The following SLC35H1 variants were observed in gnomAD, a reference collection of about 807,000 sequenced individuals.
SLC35H1 encodes the protein ovarian cancer-overexpressed gene 1 protein.
chr20:46,361,322 C>T, the SLC35H1 span, among the ~76,000 whole-genome samples: 7 of 152,152 alleles, frequency 4.6e-5, no homozygotes, highest in African/African-American at 9.7e-5. Flanking sequence ...CAATAAATAC[C>T]GTCAGCTCTA....
At chr20:46,347,368 A>T in the SLC35H1 span, 6 of 152,246 alleles carry the variant, frequency 3.9e-5, no homozygotes, top group African/African-American at 1.2e-4. Flanking sequence ...AAAGGCCTAG[A>T]TGGTGCCCAG....
the SLC35H1 span, chr20:46,358,288 G>C: frequency 8.8e-7 from 1 of 1,137,990 alleles, no homozygotes; most frequent in Non-Finnish European, 1.3e-6. Context: ...AGTTAGACTG[G>C]TTGAAGCTTG....
chr20:46,347,471 T>C, the SLC35H1 span: 2 of 152,286 alleles, frequency 1.3e-5, no homozygotes, highest in East Asian at 1.9e-4. Context: ...CAAAAATGAA[T>C]GTCTCTGTCC....
At chr20:46,357,490 G>T in the SLC35H1 span, 1 of 1,111,466 alleles carries the variant, frequency 9.0e-7, no homozygotes, top group South Asian at 1.5e-5. Flanking sequence ...GCCAGGTCAA[G>T]AGGGCAGAGG....
chr20:46,350,065 T>G, the SLC35H1 span: 3 of 188,888 alleles, frequency 1.6e-5, no homozygotes, highest in Admixed American at 5.9e-5. Context: ...CTCAGTCCCT[T>G]TAGAAAGCTG....
chr20:46,351,932 C>T, the SLC35H1 span: 22 of 1,078,720 alleles, frequency 2.0e-5, no homozygotes, highest in Non-Finnish European at 2.8e-5. Context: ...CCTAATGGGG[C>T]ACTTCCTTCT....
the SLC35H1 span, chr20:46,355,005 C>T: frequency 2.5e-6 from 4 of 1,613,676 alleles, no homozygotes; most frequent in East Asian, 4.5e-5. The surrounding 1 kb of genome is among the most constrained non-coding windows in gnomAD (Gnocchi z 4.8). Flanking sequence ...TCTGGTCCGG[C>T]CCTGCCCTGC....
chr20:46,353,867 A>G, the SLC35H1 span, among the ~76,000 whole-genome samples: 1 of 152,098 alleles, frequency 6.6e-6, no homozygotes, highest in Non-Finnish European at 1.5e-5. Context: ...AAGGAAAAAA[A>G]ACGAGGCCCT....
At chr20:46,357,883 A>T in the SLC35H1 span, 1 of 1,218,438 alleles carries the variant, frequency 8.2e-7, no homozygotes, top group Non-Finnish European at 1.2e-6. Flanking sequence ...TCGGTGGTTC[A>T]TGAGGACCTT....
At chr20:46,358,327 G>A in the SLC35H1 span, 68 of 1,460,616 alleles carry the variant, frequency 4.7e-5, 1 homozygote, top group African/African-American at 3.6e-4. Flanking sequence ...GAAGGGCACC[G>A]TAGCCATGGC....
chr20:46,357,685 G>C, the SLC35H1 span: 2 of 1,614,178 alleles, frequency 1.2e-6, no homozygotes, highest in South Asian at 1.1e-5. Flanking sequence ...CCTGTGGCTG[G>C]AGCACTGAAC....
the SLC35H1 span, chr20:46,357,897 A>C: frequency 9.8e-7 from 1 of 1,015,564 alleles, no homozygotes; most frequent in South Asian, 1.5e-5. Context: ...GGACCTTGCT[A>C]TGTGTGTAGG....
At chr20:46,361,626 T>A in the SLC35H1 span, among the ~76,000 whole-genome samples, 6 of 152,352 alleles carry the variant, frequency 3.9e-5, no homozygotes, top group African/African-American at 7.2e-5. Context: ...CATGGCAGGA[T>A]GTTTAGCAAC....
the SLC35H1 span, chr20:46,350,394 T>A: frequency 6.2e-7 from 1 of 1,605,438 alleles, no homozygotes; most frequent in Middle Eastern, 1.7e-4. Flanking sequence ...CCCTGGCTGG[T>A]CACTGCTGCC....
chr20:46,360,496 A>G, the SLC35H1 span, among the ~76,000 whole-genome samples: 1 of 152,324 alleles, frequency 6.6e-6, no homozygotes, highest in Non-Finnish European at 1.5e-5. Context: ...ATTTTGTTTT[A>G]CTATCAATTA....
chr20:46,356,903 G>A, the SLC35H1 span, among the ~76,000 whole-genome samples: 2 of 152,256 alleles, frequency 1.3e-5, no homozygotes, highest in African/African-American at 2.4e-5. Context: ...AGCCCCCTGA[G>A]CGGAGGTATT....
the SLC35H1 span, chr20:46,357,685 G>A: frequency 1.1e-5 from 17 of 1,614,060 alleles, no homozygotes; most frequent in Non-Finnish European, 1.4e-5. Context: ...CCTGTGGCTG[G>A]AGCACTGAAC....
the SLC35H1 span, among the ~76,000 whole-genome samples, chr20:46,359,699 T>G: frequency 6.6e-6 from 1 of 152,194 alleles, no homozygotes; most frequent in East Asian, 1.9e-4. Context: ...GACCTGTCTG[T>G]GCCTGGAGGA....
the SLC35H1 span, chr20:46,357,821 C>A: frequency 6.2e-7 from 1 of 1,600,788 alleles, no homozygotes; most frequent in East Asian, 2.2e-5. Context: ...AGACAGCCTG[C>A]CCCCCACCGG....
Sources: gnomAD v4.1 joint callset for allele counts (sites outside exome capture counted in the v4.1 genomes callset) on GRCh38, gnomAD v4.1.1 for gene constraint, Gnocchi (gnomAD v3.1) non-coding constraint, MANE v1.5 for transcripts, NCBI Gene and HGNC (gene_info 2026-07-23, HGNC 2026-07-21) for gene names.